The following ACSL6 variants were observed in gnomAD, a reference collection of about 807,000 sequenced individuals.
ACSL6 encodes acyl-CoA synthetase long chain family member 6.
In ACSL6, 47 loss-of-function variants were observed where a neutral mutation model predicts 98.2. The observed-to-expected ratio is 0.48, with a 90% CI of 0.38 to 0.61. ACSL6 has a LOEUF of 0.61. ACSL6 is among the 20% of genes least tolerant of loss of function. The probability of loss-of-function intolerance (pLI) is 0.00; values close to 1 mark genes in which losing one functional copy is unlikely to be tolerated. For synonymous variants in ACSL6, 362 were observed against 336.9 expected, an observed-to-expected ratio of 1.07 and a Z score of -0.82; for missense variants, 761 against 913.4, an observed-to-expected ratio of 0.83 and a Z score of 2.15.
chr5:132,000,507 G>A (rs1184371368), intron 1 of ACSL6, among the ~76,000 whole-genome samples: 1 of 152,048 alleles, frequency 6.6e-6, no homozygotes, highest in Non-Finnish European at 1.5e-5. Flanking sequence ...AGATCTGTGA[G>A]GCTTAGGGGT....
intron 12 of ACSL6, 147 bp downstream of exon 12, chr5:131,973,119 G>T: frequency 8.5e-7 from 1 of 1,176,734 alleles, no homozygotes; most frequent in Non-Finnish European, 1.2e-6. Context: ...AAGGAAGAAT[G>T]AGAAAGAGTC....
chr5:131,973,560 A>C (rs1580649282), intron 11 of ACSL6, 160 bp from the exon 12 acceptor site: 1 of 607,322 alleles, frequency 1.6e-6, no homozygotes, highest in Non-Finnish European at 2.6e-6. Context: ...ATCTGAGGTG[A>C]CCCCCACCCC....
intron 1 of ACSL6, chr5:131,994,459 T>C (rs779589965): frequency 2.8e-5 from 16 of 578,752 alleles, no homozygotes; most frequent in Middle Eastern, 9.2e-4. Flanking sequence ...CACCTGACAG[T>C]CAGATGTCCT....
chr5:131,951,383 C>A lies in ACSL6; in HGVS notation c.*2851G>T. ...CACTGATACATAGGGTTTCATTTCT[C>A]ATTTCTTACAAAATTAAGTGGCATT... On this transcript the variant is annotated 3_prime_UTR_variant, in exon 21 of 21. Coordinates refer to ENST00000651883, the MANE Select transcript of ACSL6 (RefSeq NM_001009185.3). 5.0e-6 allele frequency: 1 copy of A among 200,334 alleles called. No individual in the cohort carries two copies. Among genetic ancestry groups the A allele is most frequent in the Non-Finnish European group, 1.0e-5 (1 of 97,104 alleles). The allele number at this position is 200,334 out of a possible 1,614,324, so 12.4% of individuals were successfully genotyped here.
At chr5:131,986,801 C>T (rs77938) in intron 8 of ACSL6, 21 bp downstream of exon 8, 1,220,323 of 1,613,362 alleles carry the variant, frequency 0.76, 476,887 homozygotes, top group Non-Finnish European at 0.81. Flanking sequence ...TCAATAAAGA[C>T]CTGCAGGTGA....
rs1290708042 is a variant in ACSL6 at position 131,954,464 on chromosome 5, A to G, written c.2032-93T>C. 8 of 1,247,774 alleles carry G rather than the reference A, an allele frequency of 6.4e-6. No homozygotes were observed. The Admixed American group carries it at 1.4e-4, about 22-fold the overall frequency. 77.3% of individuals were successfully genotyped at this position (1,247,774 alleles called of 1,614,324 possible). ...AAAGCAAACAGGCACATGAGAGTAG[A>G]TATATTGACATACAGACATTATGCT... On this transcript the variant is annotated intron_variant, in intron 20 of 20. Coordinates refer to ENST00000651883, the MANE Select transcript of ACSL6 (RefSeq NM_001009185.3).
intron 6 of ACSL6, 192 bp downstream of exon 6, chr5:131,988,613 C>A (rs747664309): frequency 5.8e-5 from 94 of 1,612,918 alleles, no homozygotes; most frequent in Non-Finnish European, 7.4e-5. Context: ...GTGGAAGGAA[C>A]CTTCGTGTGA....
At chr5:131,975,351 C>T (rs1054346777) in intron 10 of ACSL6, 1 of 985,382 alleles carries the variant, frequency 1.0e-6, no homozygotes, top group South Asian at 4.7e-5. Context: ...TGCAGTCAGT[C>T]GGCTCTAGCC....
At chr5:131,959,839 C>G in intron 19 of ACSL6, 2 of 549,366 alleles carry the variant, frequency 3.6e-6, no homozygotes, top group Non-Finnish European at 6.5e-6. Flanking sequence ...TAAGGGACCA[C>G]TCAATTTTTT....
Position 131,976,571 on chromosome 5 carries a change from A to G in ACSL6, c.990+77T>C, listed in dbSNP as rs112111292. The G allele has an allele frequency of 8.7e-4, 1,133 of 1,299,486 alleles. 10 individuals carry two copies. The African/African-American group carries it at 0.015, about 17-fold the overall frequency. 80.5% of individuals were successfully genotyped at this position (1,299,486 alleles called of 1,614,324 possible). On this transcript the variant is annotated intron_variant, in intron 10 of 20. Transcript: ENST00000651883. ...AAAAAAAAAAAAGAAAAAGAAAACA[A>G]ACAAATAAAAAAAAATCCTCTGAGG...
Position 131,951,596 on chromosome 5 carries a change from T to C in ACSL6, c.*2638A>G, listed in dbSNP as rs1752161274. 5.5e-6 allele frequency: 1 copy of C among 181,382 alleles called. No homozygotes were observed. The highest frequency in any genetic ancestry group is 1.2e-5 in the Non-Finnish European group (1 of 85,166). 11.2% of individuals were successfully genotyped at this position (181,382 alleles called of 1,614,324 possible). ...CCTTGTTTTTGTTTTTTTTTTTTCT[T>C]TCTTTTTGAGACGGAGTCTCGTTCT... On this transcript the variant is annotated 3_prime_UTR_variant, in exon 21 of 21. Transcript: ENST00000651883.
intron 10 of ACSL6, chr5:131,976,076 G>A (rs1335848891): frequency 1.0e-6 from 1 of 985,450 alleles, no homozygotes; most frequent in South Asian, 4.7e-5. Flanking sequence ...GAAACTGCAG[G>A]ACATACTCAC....
chr5:131,986,858 AAAG>A lies in ACSL6; in HGVS notation c.832-7_832-5del. On this transcript the variant is annotated splice_region_variant and splice_polypyrimidine_tract_variant and intron_variant, in intron 7 of 20. Coordinates refer to ENST00000651883, the MANE Select transcript of ACSL6 (RefSeq NM_001009185.3). ...GGTGATTCTCTTGGCCACAGTCCTG[AAAG>A]AAGAAAATGCTGTTTTTAAATGCTC... The A allele has an allele frequency of 6.2e-7, 1 of 1,614,152 alleles. No homozygotes were observed. Among genetic ancestry groups the A allele is most frequent in the Non-Finnish European group, 8.5e-7 (1 of 1,180,026 alleles).
At chr5:131,977,034 A>C (rs1208177780) in intron 9 of ACSL6, among the ~76,000 whole-genome samples, 1 of 152,200 alleles carries the variant, frequency 6.6e-6, no homozygotes, top group African/African-American at 2.4e-5. Flanking sequence ...GTCTTCCTTC[A>C]GGAGCAGAGG....
rs957266916 is a variant in ACSL6, at chr5:132,011,615, C to G, written c.-62G>C. 2.9e-6 allele frequency: 4 copies of G among 1,388,566 alleles called. No individual in the cohort carries two copies. The highest frequency in any genetic ancestry group is 6.2e-5 in the East Asian group (2 of 32,488). 86.0% of individuals were successfully genotyped at this position (1,388,566 alleles called of 1,614,324 possible). A position where few individuals can be genotyped will look rare whatever the true frequency, so the allele number is the denominator to read the frequency against. On this transcript the variant is annotated 5_prime_UTR_variant, in exon 1 of 21. Transcript: ENST00000651883. The surrounding 1 kb of genome is among the most constrained non-coding windows in gnomAD (Gnocchi z 5.4). ...TCCCCGACCCGCAGCCCCGCAGCCC[C>G]GCAGCCCAGCAGCCCCAGCAGTAGC...
chr5:131,979,226 C>T (rs1289928117), intron 9 of ACSL6, among the ~76,000 whole-genome samples: 1 of 152,144 alleles, frequency 6.6e-6, no homozygotes, highest in South Asian at 2.1e-4. Context: ...CCAAGTGTCA[C>T]CTAGCAATTT....
At chr5:131,979,029 G>A (rs750963139) in intron 9 of ACSL6, among the ~76,000 whole-genome samples, 29 of 152,216 alleles carry the variant, frequency 1.9e-4, no homozygotes, top group Non-Finnish European at 3.1e-4. Context: ...CTAATAAATA[G>A]CTGTCAAAAT....
chr5:131,982,015 C>T (rs962835816), intron 9 of ACSL6: 2 of 152,096 alleles, frequency 1.3e-5, no homozygotes, highest in Non-Finnish European at 2.9e-5. Context: ...CGCCACCACA[C>T]TCAGCTAATT....
chr5:131,992,199 G>T (rs572485026), intron 2 of ACSL6, among the ~76,000 whole-genome samples: 1 of 152,328 alleles, frequency 6.6e-6, no homozygotes, highest in African/African-American at 2.4e-5. Context: ...TTGGGGAACT[G>T]TAGGCGATTC....
Sources: gnomAD v4.1 joint callset for allele counts (sites outside exome capture counted in the v4.1 genomes callset) on GRCh38, gnomAD v4.1.1 for gene constraint, Gnocchi (gnomAD v3.1) non-coding constraint, MANE v1.5 for transcripts, NCBI Gene and HGNC (gene_info 2026-07-23, HGNC 2026-07-21) for gene names.